PPP1CB: variants seen among roughly 807,000 people sequenced by gnomAD.
The protein encoded by PPP1CB is protein phosphatase 1 catalytic subunit beta, also known as serine/threonine-protein phosphatase PP1-beta catalytic subunit.
In PPP1CB, 2 loss-of-function variants were observed where a neutral mutation model predicts 43.7. The observed-to-expected ratio is 0.05, with a 90% CI of 0.02 to 0.14. PPP1CB has a LOEUF of 0.14. Among genes scored for constraint, PPP1CB ranks in the 10% least tolerant of loss-of-function variants. PPP1CB has a pLI of 1.00. For missense variants in PPP1CB, 84 were observed against 398.0 expected (o/e 0.21, Z 6.71); for synonymous variants, 136 against 135.6 (o/e 1.00, Z -0.02).
chr2:28,793,051 C>G (rs953041660), intron 6 of PPP1CB, among the ~76,000 whole-genome samples: 1 of 152,144 alleles, frequency 6.6e-6, no homozygotes, highest in Non-Finnish European at 1.5e-5. Context: ...ACTAAAAATA[C>G]AAAAATTCAT....
At chr2:28,793,785 AC>A (rs1375676317) in intron 6 of PPP1CB, 77 bp from the exon 7 acceptor site, 3 of 1,526,620 alleles carry the variant, frequency 2.0e-6, no homozygotes, top group Non-Finnish European at 2.7e-6. Context: ...AGTCTTTGCC[AC>A]CTTAACCTTA....
chr2:28,759,474 T>G (rs1666587224), intron 1 of PPP1CB, among the ~76,000 whole-genome samples: 1 of 137,246 alleles, frequency 7.3e-6, no homozygotes, highest in Admixed American at 8.4e-5. Flanking sequence ...GAGCAAAGAT[T>G]GCACCACTGC....
intron 5 of PPP1CB, among the ~76,000 whole-genome samples, chr2:28,784,383 A>G (rs999588570): frequency 6.6e-5 from 10 of 152,082 alleles, no homozygotes; most frequent in Non-Finnish European, 8.8e-5. Flanking sequence ...TCAAATGTCT[A>G]GTAGTTTTTT....
intron 1 of PPP1CB, among the ~76,000 whole-genome samples, chr2:28,767,088 A>G (rs1666794724): frequency 1.3e-5 from 2 of 152,120 alleles, no homozygotes; most frequent in Admixed American, 1.3e-4. Context: ...CTCAAAAAAA[A>G]AAAAAAGTTT....
chr2:28,778,397 A>C, intron 2 of PPP1CB: 1 of 472,254 alleles, frequency 2.1e-6, no homozygotes, highest in South Asian at 1.5e-5. Context: ...GGTCTCTCAC[A>C]AGGCTCCAAT....
chr2:28,797,784 A>T (rs575590570), intron 7 of PPP1CB, among the ~76,000 whole-genome samples: 1 of 152,220 alleles, frequency 6.6e-6, no homozygotes, highest in South Asian at 2.1e-4. Context: ...TGGTTTCAAC[A>T]TTTACATTTT....
intron 3 of PPP1CB, among the ~76,000 whole-genome samples, chr2:28,779,340 C>G (rs964081664): frequency 6.6e-6 from 1 of 152,118 alleles, no homozygotes; most frequent in Non-Finnish European, 1.5e-5. Flanking sequence ...CCTTGGTTTT[C>G]TAGTGTCCAT....
chr2:28,776,397 G>A (rs1247844956), intron 1 of PPP1CB, among the ~76,000 whole-genome samples: 1 of 152,046 alleles, frequency 6.6e-6, no homozygotes, highest in Non-Finnish European at 1.5e-5. Flanking sequence ...AATTAGCTGG[G>A]ATTACAGGCA....
intron 1 of PPP1CB, among the ~76,000 whole-genome samples, chr2:28,755,173 C>T (rs1666455876): frequency 6.6e-6 from 1 of 152,074 alleles, no homozygotes; most frequent in African/African-American, 2.4e-5. Flanking sequence ...CCTCAGCTTC[C>T]CAAGTAGCTG....
At chr2:28,789,722 C>T (rs926669377) in intron 6 of PPP1CB, among the ~76,000 whole-genome samples, 12 of 150,726 alleles carry the variant, frequency 8.0e-5, no homozygotes, top group South Asian at 4.2e-4. Context: ...CCTCAGCCTC[C>T]GGAGCAGCTG....
At position 28,802,817 on chromosome 2, in the gene PPP1CB, T is replaced by C. The variant is rs745602169; in HGVS notation, c.*3514T>C. 2.0e-5 allele frequency: 3 copies of C among 152,230 alleles called. No individual in the cohort carries two copies. Among genetic ancestry groups the C allele is most frequent in the Non-Finnish European group, 4.4e-5 (3 of 68,038 alleles). The allele number at this position is 152,230 out of a possible 1,614,324, so 9.4% of individuals were successfully genotyped here. ...GGAAATTTTAAAAGTCAAAGCTTGTTTTCTTCAACCACTACCTTCTACATT... is the reference window on the plus strand; with the variant it reads ...GGAAATTTTAAAAGTCAAAGCTTGTCTTCTTCAACCACTACCTTCTACATT... On this transcript the variant is annotated 3_prime_UTR_variant, in exon 8 of 8. Transcript: ENST00000395366.
chr2:28,791,563 C>T (rs555000665), intron 6 of PPP1CB, among the ~76,000 whole-genome samples: 6 of 152,130 alleles, frequency 3.9e-5, no homozygotes, highest in South Asian at 2.1e-4. Context: ...CTCCTGACCT[C>T]GTGATCTGCC....
chr2:28,752,616 C>T (rs1666345005), intron 1 of PPP1CB, among the ~76,000 whole-genome samples: 1 of 152,178 alleles, frequency 6.6e-6, no homozygotes, highest in Admixed American at 6.5e-5. Context: ...TGGCTGCCTC[C>T]GATTGTCGTT....
chr2:28,765,006 A>G (rs570943853), intron 1 of PPP1CB, among the ~76,000 whole-genome samples: 96 of 152,318 alleles, frequency 6.3e-4, no homozygotes, highest in African/African-American at 2.1e-3. Flanking sequence ...AGAGGTAATG[A>G]TAAGTAAGAA....
intron 2 of PPP1CB, 193 bp from the exon 3 acceptor site, chr2:28,778,616 T>TCACA: frequency 1.7e-6 from 1 of 575,284 alleles, no homozygotes; most frequent in South Asian, 2.1e-5. Context: ...AAGATGAAAG[T>TCACA]CACAGTCTTT....
Position 28,800,204 on chromosome 2 carries a change from G to C in PPP1CB, c.*901G>C, listed in dbSNP as rs1667580681. 8.2e-6 allele frequency: 1 copy of C among 122,412 alleles called. No individual in the cohort carries two copies. The highest frequency in any genetic ancestry group is 3.0e-5 in the African/African-American group (1 of 32,800). 7.6% of individuals were successfully genotyped at this position (122,412 alleles called of 1,614,324 possible). On this transcript the variant is annotated 3_prime_UTR_variant, in exon 8 of 8. Coordinates refer to ENST00000395366, the MANE Select transcript of PPP1CB (RefSeq NM_002709.3). ...CCTGGTAACACCTTCACCTGCATTG[G>C]TTTTCTTTTTCTTTTTTCTTTCTTT...
intron 1 of PPP1CB, among the ~76,000 whole-genome samples, chr2:28,755,931 AAAGGGCAGCATTCTTTCAAG>A (rs1207274792): frequency 6.6e-6 from 1 of 152,244 alleles, no homozygotes; most frequent in Admixed American, 6.5e-5. Flanking sequence ...CCTGATTATG[AAAGGGCAGCATTCTTTCAAG>A]AAGTCCCCTG....
At chr2:28,779,786 A>G (rs1484127884) in intron 3 of PPP1CB, among the ~76,000 whole-genome samples, 2 of 152,178 alleles carry the variant, frequency 1.3e-5, no homozygotes, top group African/African-American at 2.4e-5. Context: ...ATTCAAACTC[A>G]TATCTCCTTG....
chr2:28,767,863 G>A (rs1666816085), intron 1 of PPP1CB, among the ~76,000 whole-genome samples: 1 of 152,138 alleles, frequency 6.6e-6, no homozygotes, highest in Non-Finnish European at 1.5e-5. Flanking sequence ...TGACCCCTTG[G>A]CCTTAGTTTG....
Sources: allele counts gnomAD v4.1 joint callset (sites outside exome capture counted in the v4.1 genomes callset), GRCh38; gene constraint gnomAD v4.1.1; transcripts MANE v1.5; gene names NCBI Gene and HGNC (gene_info 2026-07-23, HGNC 2026-07-21).